The following ADGRV1 variants were observed in gnomAD, a reference collection of about 807,000 sequenced individuals.
The protein encoded by ADGRV1 is G-protein coupled receptor 98.
A neutral mutation model predicts 596.2 loss-of-function variants in ADGRV1; 359 were observed. That is an observed-to-expected ratio of 0.60 (90% CI 0.55 to 0.66). The LOEUF (loss-of-function observed/expected upper bound fraction) is 0.66, where lower values mean the gene tolerates loss of function less well. Ranked by LOEUF, ADGRV1 falls within the 30% of genes least tolerant of loss-of-function variation. The pLI is 0.00. For synonymous variants in ADGRV1, 2,681 were observed against 2,679.2 expected (o/e 1.00, Z -0.02); for missense variants, 7,274 against 7,575.6 (o/e 0.96, Z 1.48).
intron 85 of ADGRV1, among the ~76,000 whole-genome samples, chr5:91,005,534 T>A (rs1032301048): frequency 6.6e-6 from 1 of 152,104 alleles, no homozygotes; most frequent in Non-Finnish European, 1.5e-5. Flanking sequence ...AGAGACAGGA[T>A]TTCACTGTGT....
intron 1 of ADGRV1, among the ~76,000 whole-genome samples, chr5:90,597,254 G>T (rs566458548): frequency 1.3e-5 from 2 of 152,192 alleles, no homozygotes; most frequent in Non-Finnish European, 2.9e-5. Context: ...CTGACAATAT[G>T]AGTGTTGTTC....
At chr5:90,787,590 CTTTTT>C (rs35504697) in intron 67 of ADGRV1, among the ~76,000 whole-genome samples, 1 of 118,904 alleles carries the variant, frequency 8.4e-6, no homozygotes, top group African/African-American at 3.0e-5. Flanking sequence ...TTCTTTCTTT[CTTTTT>C]TTTTTTTTTT....
chr5:90,746,042 T>C (rs1368306301), intron 52 of ADGRV1, among the ~76,000 whole-genome samples: 1 of 152,142 alleles, frequency 6.6e-6, no homozygotes. Context: ...ATTCCTTTTA[T>C]AGGATTGACT....
At chr5:91,060,971 C>G (rs1787380955) in intron 85 of ADGRV1, among the ~76,000 whole-genome samples, 2 of 152,272 alleles carry the variant, frequency 1.3e-5, no homozygotes, top group South Asian at 2.1e-4. Flanking sequence ...AGTCAGACAT[C>G]TACAACATGA....
At chr5:90,585,387 ACC>A (rs1398919502) in intron 1 of ADGRV1, among the ~76,000 whole-genome samples, 1 of 152,028 alleles carries the variant, frequency 6.6e-6, no homozygotes, top group African/African-American at 2.4e-5. Context: ...CTTCAACAAA[ACC>A]CCTTGGAGAG....
At chr5:91,067,142 A>ATTTT (rs35645124) in intron 85 of ADGRV1, among the ~76,000 whole-genome samples, 2 of 130,400 alleles carry the variant, frequency 1.5e-5, no homozygotes, top group African/African-American at 2.9e-5. Flanking sequence ...TGCAAAGGAG[A>ATTTT]TTTTTTTTTT....
In ADGRV1 at chr5:90,627,917, G is replaced by GACACACACACAC. The variant is rs3041948; in HGVS notation, c.1238+175_1238+186dup. 1,886 of 230,284 alleles carry GACACACACACAC rather than the reference G, an allele frequency of 8.2e-3. 20 individuals carry two copies. Among genetic ancestry groups the GACACACACACAC allele is most frequent in the Middle Eastern group, 0.014 (11 of 788 alleles). 14.3% of individuals were successfully genotyped at this position (230,284 alleles called of 1,614,324 possible). ...AAAGTTTCATGACAAACTCAGAAAA[G>GACACACACACAC]ACACACACACACACACACACACACA... On this transcript the variant is annotated intron_variant, in intron 7 of 89. Coordinates refer to ENST00000405460, the MANE Select transcript of ADGRV1 (RefSeq NM_032119.4).
At chr5:91,019,038 C>A (rs1783411283) in intron 85 of ADGRV1, among the ~76,000 whole-genome samples, 1 of 151,942 alleles carries the variant, frequency 6.6e-6, no homozygotes, top group African/African-American at 2.4e-5. Context: ...AAGATAGTTT[C>A]TCTTTTCAAC....
intron 1 of ADGRV1, among the ~76,000 whole-genome samples, chr5:90,606,562 C>G (rs1353491634): frequency 1.3e-5 from 2 of 152,160 alleles, no homozygotes; most frequent in Admixed American, 1.3e-4. Flanking sequence ...GGTAGACATT[C>G]GTGTTGGGAA....
At chr5:90,833,200 A>G (rs1383090152) in intron 77 of ADGRV1, among the ~76,000 whole-genome samples, 1 of 152,116 alleles carries the variant, frequency 6.6e-6, no homozygotes, top group African/African-American at 2.4e-5. Context: ...TGAACATGTT[A>G]ACAATACTGA....
At chr5:90,733,518 G>A (rs770031006) in intron 50 of ADGRV1, among the ~76,000 whole-genome samples, 1 of 152,142 alleles carries the variant, frequency 6.6e-6, no homozygotes, top group Non-Finnish European at 1.5e-5. Context: ...ACAGGAGTCA[G>A]TATTTGGAAT....
intron 86 of ADGRV1, among the ~76,000 whole-genome samples, chr5:91,079,935 T>C (rs1413305628): frequency 6.6e-6 from 1 of 152,214 alleles, no homozygotes; most frequent in Non-Finnish European, 1.5e-5. Context: ...TGCATCTCCC[T>C]TTGCACCTTG....
At chr5:90,860,721 A>C (rs867465428) in intron 82 of ADGRV1, among the ~76,000 whole-genome samples, 12 of 145,618 alleles carry the variant, frequency 8.2e-5, no homozygotes, top group Non-Finnish European at 1.5e-4. Context: ...AGGTGGTATA[A>C]TAAAAAAAAA....
chr5:90,854,321 A>G, intron 81 of ADGRV1, 120 bp downstream of exon 81: 1 of 639,320 alleles, frequency 1.6e-6, no homozygotes, highest in Non-Finnish European at 2.5e-6. Context: ...CTGGAAAATA[A>G]CCTCCACAAT....
chr5:90,879,628 C>G (rs538150125), intron 83 of ADGRV1, among the ~76,000 whole-genome samples: 4 of 151,794 alleles, frequency 2.6e-5, no homozygotes, highest in African/African-American at 9.7e-5. Flanking sequence ...AATGGTAAGG[C>G]GTATGTTTAA....
At chr5:90,853,982 GAAGTC>G in intron 80 of ADGRV1, 75 bp from the exon 81 acceptor site, 1 of 1,007,220 alleles carries the variant, frequency 9.9e-7, no homozygotes. Context: ...CTAGAAAAAT[GAAGTC>G]AAGTTCAGGG....
chr5:90,663,384 G>A (rs1213404127), intron 21 of ADGRV1, among the ~76,000 whole-genome samples: 1 of 151,116 alleles, frequency 6.6e-6, no homozygotes, highest in Admixed American at 6.6e-5. Flanking sequence ...ATTTTTTCAT[G>A]TGTTTTTTGG....
intron 87 of ADGRV1, among the ~76,000 whole-genome samples, chr5:91,124,246 T>C (rs1278673135): frequency 1.3e-5 from 2 of 152,206 alleles, no homozygotes; most frequent in African/African-American, 2.4e-5. Context: ...AAAGATAATA[T>C]CTTTGAGACT....
chr5:91,104,449 A>G (rs1791669900), intron 87 of ADGRV1, among the ~76,000 whole-genome samples: 1 of 152,236 alleles, frequency 6.6e-6, no homozygotes, highest in Non-Finnish European at 1.5e-5. Flanking sequence ...AAGTTTCAAT[A>G]TCCTCCTTCT....
Sources: allele counts gnomAD v4.1 joint callset (sites outside exome capture counted in the v4.1 genomes callset), GRCh38; gene constraint gnomAD v4.1.1; transcripts MANE v1.5; gene names NCBI Gene and HGNC (gene_info 2026-07-23, HGNC 2026-07-21).